Variants in ZFP14 observed in about 807,000 individuals in gnomAD.
ZFP14 encodes zinc finger protein 14 homolog.
ZFP14 carries 22 observed loss-of-function variants against 54.5 expected under a neutral mutation model. The ratio of observed to expected loss-of-function variants is 0.40; its 90% CI spans 0.29 to 0.58. The LOEUF (loss-of-function observed/expected upper bound fraction) is 0.58. Among genes scored for constraint, ZFP14 ranks in the 20% least tolerant of loss-of-function variants. ZFP14 has a pLI of 0.39. For synonymous variants in ZFP14, 159 were observed against 204.0 expected (o/e 0.78, Z 1.88); for missense variants, 470 against 637.8 (o/e 0.74, Z 2.83).
intron 3 of ZFP14, among the ~76,000 whole-genome samples, chr19:36,361,289 G>A (rs1226581960): frequency 6.6e-6 from 1 of 152,180 alleles, no homozygotes; most frequent in Non-Finnish European, 1.5e-5. Context: ...ACCCAGGCTG[G>A]AGTGCAATGG....
chr19:36,340,749 C>G lies in ZFP14; in HGVS notation c.1077G>C (p.Gln359His). Residue 359 changes from glutamine (Q) to histidine (H), a missense_variant, in exon 5 of 5, where the codon CAG becomes CAC. Physicochemically the swap from Gln to His is conservative, Grantham distance 24. Transcript: ENST00000270001. This position sits in a 1 kb window ranked among gnomAD's most constrained non-coding sequence, Gnocchi z 5.4. Reference protein sequence around the residue: ...FRICQQLTVHQSIHTGEKPYE... With the variant: ...FRICQQLTVHHSIHTGEKPYE... The stretch of plus-strand genomic sequence containing the variant: ...AGGGTTTCTCACCAGTATGAATACT[C>G]TGATGAACAGTAAGTTGTTGGCATA... The G allele has an allele frequency of 6.2e-7, 1 of 1,613,958 alleles. No homozygotes were observed.
Position 36,362,370 on chromosome 19 carries a change from T to G in ZFP14, c.10-132A>C, listed in dbSNP as rs2031724583. The stretch of plus-strand genomic sequence containing the variant: ...CAAACAGCATTGGGCTGAAAACTTG[T>G]GACATGAGTAGGGGCCAGTAAGAAA... On this transcript the variant is annotated intron_variant, in intron 2 of 4. Transcript: ENST00000270001. The G allele has an allele frequency of 1.1e-5, 10 of 916,188 alleles. No homozygotes were observed. In the East Asian group the frequency reaches 2.9e-4, roughly 27 times the overall value. The allele number at this position is 916,188 out of a possible 1,614,324, so 56.8% of individuals were successfully genotyped here.
chr19:36,364,933 T>TTTAC (rs1230936952), intron 2 of ZFP14, among the ~76,000 whole-genome samples: 1 of 151,748 alleles, frequency 6.6e-6, no homozygotes, highest in African/African-American at 2.4e-5. Context: ...CATCATTTTA[T>TTTAC]TTACTTTCTT....
rs10419508 is a variant in ZFP14 at position 36,340,003 on chromosome 19, C to T, written c.*221G>A. On this transcript the variant is annotated 3_prime_UTR_variant, in exon 5 of 5. Coordinates refer to ENST00000270001, the MANE Select transcript of ZFP14 (RefSeq NM_020917.3). The surrounding 1 kb of genome is among the most constrained non-coding windows in gnomAD (Gnocchi z 5.4). ...TCAAGTGGAGAAAGGGAGATAATGA[C>T]AGATAAGGCTAAAGATTTTCCTACA... is the stretch of plus-strand genomic sequence containing the variant. 844 of 418,270 alleles carry T rather than the reference C, an allele frequency of 2.0e-3. 3 individuals are homozygous for T. The highest frequency in any genetic ancestry group is 0.016 in the African/African-American group (778 of 49,042). 25.9% of individuals were successfully genotyped at this position (418,270 alleles called of 1,614,324 possible).
rs1355010279 is a variant in ZFP14, at chr19:36,336,694, G to T, written c.*3530C>A. ...AGATGAAGACTGTATCCACAAATAA[G>T]ATTTCCTTACCACATTACAGGGCAT... On this transcript the variant is annotated 3_prime_UTR_variant, in exon 5 of 5. Coordinates refer to ENST00000270001, the MANE Select transcript of ZFP14 (RefSeq NM_020917.3). 1 of 152,190 alleles carries T rather than the reference G, an allele frequency of 6.6e-6. No individual in the cohort carries two copies. Among genetic ancestry groups the T allele is most frequent in the East Asian group, 1.9e-4 (1 of 5,202 alleles). 9.4% of individuals were successfully genotyped at this position (152,190 alleles called of 1,614,324 possible). A position where few individuals can be genotyped will look rare whatever the true frequency, so the allele number is the denominator to read the frequency against.
Position 36,376,832 on chromosome 19 carries a change from T to C in ZFP14, c.-80+2331A>G, listed in dbSNP as rs2031969705. 2.0e-5 allele frequency among the ~76,000 whole-genome samples: 3 copies of C among 152,182 alleles called. No homozygotes were observed. The South Asian group carries it at 6.2e-4, about 32-fold the overall frequency. ...TCTATCATTATCCTCATTTTGCAGA[T>C]GATGAAACTGTGGCACAAAGAGATT... On this transcript the variant is annotated intron_variant, in intron 1 of 4. Transcript: ENST00000270001.
At chr19:36,359,152 G>C (rs1200704962) in intron 4 of ZFP14, among the ~76,000 whole-genome samples, 2 of 152,110 alleles carry the variant, frequency 1.3e-5, no homozygotes, top group African/African-American at 4.8e-5. Context: ...ATAAACAACA[G>C]AAAGTGAACT....
chr19:36,360,173 C>T, intron 4 of ZFP14: 1 of 267,454 alleles, frequency 3.7e-6, no homozygotes, highest in African/African-American at 2.2e-5. Context: ...ATTTTTTCTT[C>T]TACCAGGAAT....
chr19:36,350,340 C>T (rs2031504000), intron 4 of ZFP14, among the ~76,000 whole-genome samples: 1 of 141,666 alleles, frequency 7.1e-6, no homozygotes, highest in South Asian at 2.2e-4. Context: ...GTGACTCAGG[C>T]CTGTAATCTC....
At position 36,356,009 on chromosome 19, in the gene ZFP14, A is replaced by C. The variant is rs897882371; in HGVS notation, c.235+4426T>G. Among the ~76,000 whole-genome samples, 2 of 142,658 alleles carry C rather than the reference A, an allele frequency of 1.4e-5. 1 individual carries two copies. The highest frequency in any genetic ancestry group is 5.1e-5 in the African/African-American group (2 of 38,958). The allele number at this position is 142,658 out of a possible 152,430, so 93.6% of individuals were successfully genotyped here. Reference sequence around the variant, plus strand: ...CATTCCCCTCAACAGCATCCTTAAAATTTTTTTTATTTTAAAATAATTATA... The same window carrying C: ...CATTCCCCTCAACAGCATCCTTAAACTTTTTTTTATTTTAAAATAATTATA... On this transcript the variant is annotated intron_variant, in intron 4 of 4. Transcript: ENST00000270001.
At chr19:36,366,289 A>C (rs1008986584) in intron 2 of ZFP14, among the ~76,000 whole-genome samples, 6 of 151,956 alleles carry the variant, frequency 3.9e-5, no homozygotes, top group African/African-American at 7.2e-5. Flanking sequence ...ATTGTATTGA[A>C]CTATATGATT....
At chr19:36,358,517 C>A (rs2031659343) in intron 4 of ZFP14, among the ~76,000 whole-genome samples, 1 of 152,160 alleles carries the variant, frequency 6.6e-6, no homozygotes. Flanking sequence ...TGTACACAAT[C>A]ATGTCATCTC....
rs905522091 is a variant in ZFP14, at chr19:36,350,640, C to T, written c.236-9050G>A. ...AAAACAAAAAACAGCTTCCTAAATA[C>T]TTCAAGCAGATGACAACACAATATC... On this transcript the variant is annotated intron_variant, in intron 4 of 4. Transcript: ENST00000270001. Among the ~76,000 whole-genome samples the T allele has an allele frequency of 3.5e-5, 5 of 140,942 alleles. 1 individual carries two copies. Among genetic ancestry groups the T allele is most frequent in the Non-Finnish European group, 7.8e-5 (5 of 64,004 alleles). 92.5% of individuals were successfully genotyped at this position (140,942 alleles called of 152,430 possible). A position where few individuals can be genotyped will look rare whatever the true frequency, so the allele number is the denominator to read the frequency against.
chr19:36,376,663 AT>A (rs1600088406), intron 1 of ZFP14, among the ~76,000 whole-genome samples: 1 of 152,210 alleles, frequency 6.6e-6, no homozygotes, highest in East Asian at 1.9e-4. Context: ...TAGGATACCA[AT>A]TTTTGGATCT....
chr19:36,358,048 C>CGA (rs2031646350), intron 4 of ZFP14, among the ~76,000 whole-genome samples: 2 of 117,418 alleles, frequency 1.7e-5, no homozygotes, highest in South Asian at 2.5e-4. Flanking sequence ...CGGCTCTGAT[C>CGA]TATCTATCTA....
At chr19:36,342,834 C>T (rs1272568344) in intron 4 of ZFP14, among the ~76,000 whole-genome samples, 1 of 152,082 alleles carries the variant, frequency 6.6e-6, no homozygotes, top group African/African-American at 2.4e-5. Context: ...ATGTAGAAGG[C>T]CTTTGTCTTT....
chr19:36,371,842 C>A (rs989306826), intron 1 of ZFP14, among the ~76,000 whole-genome samples: 3 of 151,992 alleles, frequency 2.0e-5, no homozygotes, highest in Admixed American at 6.6e-5. Flanking sequence ...CCTGTAGTTC[C>A]AGCTACATGG....
At chr19:36,347,084 G>C (rs1233035493) in intron 4 of ZFP14, among the ~76,000 whole-genome samples, 4 of 152,198 alleles carry the variant, frequency 2.6e-5, no homozygotes, top group African/African-American at 9.6e-5. Context: ...CAGGCAAGGA[G>C]GAACTGCTGG....
intron 4 of ZFP14, among the ~76,000 whole-genome samples, chr19:36,355,949 A>C (rs545135247): frequency 7.0e-6 from 1 of 142,770 alleles, no homozygotes; most frequent in African/African-American, 2.6e-5. Flanking sequence ...CGATCAAAAA[A>C]AAGAGTAGCC....
Sources: allele counts gnomAD v4.1 joint callset (sites outside exome capture counted in the v4.1 genomes callset), GRCh38; gene constraint gnomAD v4.1.1; non-coding constraint Gnocchi (gnomAD v3.1); transcripts MANE v1.5; gene names NCBI Gene and HGNC (gene_info 2026-07-23, HGNC 2026-07-21).